Variants in ARK2C observed in about 807,000 individuals in gnomAD.
ARK2C encodes E3 ubiquitin-protein ligase ARK2C.
At chr18:46,366,717 C>T in the ARK2C span, among the ~76,000 whole-genome samples, 11 of 152,268 alleles carry the variant, frequency 7.2e-5, no homozygotes, top group South Asian at 1.7e-3. Flanking sequence ...AGCTCTGCCA[C>T]GGAAGCTTTC....
chr18:46,430,710 G>A, the ARK2C span, among the ~76,000 whole-genome samples: 1 of 152,172 alleles, frequency 6.6e-6, no homozygotes, highest in East Asian at 1.9e-4. Flanking sequence ...TTGCCCTGTT[G>A]AATTTCATTT....
the ARK2C span, chr18:46,455,964 C>T: frequency 1.3e-6 from 2 of 1,583,140 alleles, no homozygotes; most frequent in Non-Finnish European, 1.7e-6. Context: ...ACTCTCTCTG[C>T]TTCTCATAGC....
At chr18:46,381,842 G>C in the ARK2C span, among the ~76,000 whole-genome samples, 1 of 144,766 alleles carries the variant, frequency 6.9e-6, no homozygotes, top group African/African-American at 2.5e-5. Context: ...AAAAAAAAAA[G>C]ATGCTTAGGA....
the ARK2C span, among the ~76,000 whole-genome samples, chr18:46,383,770 G>A: frequency 6.6e-6 from 1 of 151,566 alleles, no homozygotes; most frequent in Non-Finnish European, 1.5e-5. Flanking sequence ...TGGCCAGGAT[G>A]GTCTTGATCT....
At chr18:46,437,865 C>A in the ARK2C span, among the ~76,000 whole-genome samples, 1 of 152,218 alleles carries the variant, frequency 6.6e-6, no homozygotes, top group African/African-American at 2.4e-5. Context: ...AGGTGGAGGT[C>A]TCTAAGTACC....
chr18:46,411,010 T>C, the ARK2C span, among the ~76,000 whole-genome samples: 1 of 152,202 alleles, frequency 6.6e-6, no homozygotes, highest in Non-Finnish European at 1.5e-5. Flanking sequence ...GGGAAGTTGC[T>C]GAGATGAGCC....
the ARK2C span, chr18:46,450,853 G>T: frequency 1.5e-6 from 2 of 1,340,764 alleles, no homozygotes; most frequent in Non-Finnish European, 2.1e-6. Flanking sequence ...CAGGGGGGTT[G>T]TCTAATTGAC....
the ARK2C span, chr18:46,456,378 G>T: frequency 1.4e-6 from 1 of 695,252 alleles, no homozygotes; most frequent in Non-Finnish European, 2.5e-6. Flanking sequence ...GCTTCCTGGC[G>T]GAGGCTTCAT....
chr18:46,417,397 T>C, the ARK2C span, among the ~76,000 whole-genome samples: 1 of 152,212 alleles, frequency 6.6e-6, no homozygotes, highest in Non-Finnish European at 1.5e-5. Context: ...TCACCTAAAC[T>C]CCTACCACTC....
At chr18:46,400,085 C>A in the ARK2C span, among the ~76,000 whole-genome samples, 1 of 152,216 alleles carries the variant, frequency 6.6e-6, no homozygotes, top group African/African-American at 2.4e-5. Context: ...CCCACGGTAC[C>A]TCTTACCCAT....
the ARK2C span, among the ~76,000 whole-genome samples, chr18:46,411,393 G>T: frequency 0.4 from 61,088 of 152,088 alleles, 12,812 homozygotes; most frequent in East Asian, 0.69. Context: ...TGACTATCCT[G>T]AATAGGACGT....
the ARK2C span, among the ~76,000 whole-genome samples, chr18:46,416,326 C>T: frequency 6.6e-6 from 1 of 152,186 alleles, no homozygotes; most frequent in African/African-American, 2.4e-5. Context: ...AAACCTGGCT[C>T]ATGATAAGGA....
chr18:46,419,559 G>A, the ARK2C span, among the ~76,000 whole-genome samples: 36 of 152,344 alleles, frequency 2.4e-4, no homozygotes, highest in Admixed American at 6.5e-4. Flanking sequence ...GGCCTTTTGG[G>A]TCTAGCTGGA....
chr18:46,335,795 C>T, the ARK2C span: 1 of 655,016 alleles, frequency 1.5e-6, no homozygotes, highest in Non-Finnish European at 1.9e-6. Context: ...CAAGCTTGGC[C>T]CCCTTAGGCC....
the ARK2C span, among the ~76,000 whole-genome samples, chr18:46,398,435 G>A: frequency 6.6e-6 from 1 of 152,016 alleles, no homozygotes; most frequent in Middle Eastern, 3.2e-3. Flanking sequence ...TCTGGCAGAA[G>A]AAACCTAGCC....
At chr18:46,356,412 G>C in the ARK2C span, among the ~76,000 whole-genome samples, 3 of 152,072 alleles carry the variant, frequency 2.0e-5, no homozygotes, top group Non-Finnish European at 4.4e-5. Context: ...GAGTGGGGGT[G>C]GGGAGGTGCT....
At chr18:46,433,324 G>A in the ARK2C span, 6 of 1,612,066 alleles carry the variant, frequency 3.7e-6, no homozygotes, top group Non-Finnish European at 5.1e-6. Flanking sequence ...AGGCCTCAGC[G>A]CCCACATGGC....
chr18:46,431,752 T>G, the ARK2C span, among the ~76,000 whole-genome samples: 10 of 152,236 alleles, frequency 6.6e-5, no homozygotes, highest in Non-Finnish European at 1.3e-4. Context: ...GGAGGAGCCC[T>G]GGGCAGAATT....
chr18:46,452,116 A>G, the ARK2C span, among the ~76,000 whole-genome samples: 1 of 152,240 alleles, frequency 6.6e-6, no homozygotes, highest in African/African-American at 2.4e-5. Flanking sequence ...AGAATGGTGC[A>G]ACACAGAGCA....
Sources: allele counts gnomAD v4.1 joint callset (sites outside exome capture counted in the v4.1 genomes callset), GRCh38; gene constraint gnomAD v4.1.1; transcripts MANE v1.5; gene names NCBI Gene and HGNC (gene_info 2026-07-23, HGNC 2026-07-21).